The following STAU2 variants were observed in gnomAD, a reference collection of about 807,000 sequenced individuals.
STAU2 encodes staufen double-stranded RNA binding protein 2, also known as double-stranded RNA-binding protein Staufen homolog 2.
STAU2 carries 20 observed loss-of-function variants against 65.9 expected under a neutral mutation model. That is an observed-to-expected ratio of 0.30 (90% CI 0.21 to 0.44). The LOEUF (loss-of-function observed/expected upper bound fraction) is 0.44, where lower values mean the gene tolerates loss of function less well. Among genes scored for constraint, STAU2 ranks in the 20% least tolerant of loss-of-function variants. The pLI, the probability that STAU2 is intolerant of heterozygous loss-of-function variation, is 1.00. For synonymous variants in STAU2, 232 were observed against 233.9 expected, an observed-to-expected ratio of 0.99 and a Z score of 0.07; for missense variants, 558 against 683.9, an observed-to-expected ratio of 0.82 and a Z score of 2.05.
At chr8:73,423,224 T>C (rs555385430) in intron 13 of STAU2, among the ~76,000 whole-genome samples, 4 of 152,116 alleles carry the variant, frequency 2.6e-5, no homozygotes, top group African/African-American at 9.6e-5. Context: ...CCTGAGAGGA[T>C]GAGGAAAGAG....
chr8:73,618,317 C>T (rs1420998005), intron 6 of STAU2, among the ~76,000 whole-genome samples: 3 of 151,992 alleles, frequency 2.0e-5, no homozygotes, highest in Admixed American at 2.0e-4. Flanking sequence ...ATAGGGTGGC[C>T]AAGAGAAGTT....
At chr8:73,714,450 A>C (rs1821107925) in intron 3 of STAU2, among the ~76,000 whole-genome samples, 1 of 152,154 alleles carries the variant, frequency 6.6e-6, no homozygotes, top group African/African-American at 2.4e-5. Flanking sequence ...TCGACAAACT[A>C]CCCAGGCATC....
intron 6 of STAU2, among the ~76,000 whole-genome samples, chr8:73,666,548 A>C (rs949886078): frequency 3.9e-5 from 6 of 152,186 alleles, no homozygotes; most frequent in Admixed American, 3.3e-4. Flanking sequence ...AAATAGTCCA[A>C]ATTGTTTTCT....
At chr8:73,446,822 T>C (rs1235322703) in intron 13 of STAU2, among the ~76,000 whole-genome samples, 1 of 152,120 alleles carries the variant, frequency 6.6e-6, no homozygotes, top group African/African-American at 2.4e-5. Flanking sequence ...TAAGACTATT[T>C]AAATGTTAAA....
chr8:73,742,669 T>C (rs140200534), intron 1 of STAU2, among the ~76,000 whole-genome samples: 19 of 152,012 alleles, frequency 1.2e-4, no homozygotes, highest in African/African-American at 3.9e-4. Flanking sequence ...GTCAGGCATA[T>C]GAAGACAGGC....
chr8:73,654,806 C>A (rs1586203012), intron 6 of STAU2, among the ~76,000 whole-genome samples: 1 of 149,716 alleles, frequency 6.7e-6, no homozygotes, highest in Middle Eastern at 3.4e-3. Flanking sequence ...CCTGCCTCAG[C>A]CTCCTGTGTA....
chr8:73,507,886 T>G (rs1283325561), intron 13 of STAU2, among the ~76,000 whole-genome samples: 2 of 152,222 alleles, frequency 1.3e-5, no homozygotes, highest in East Asian at 3.8e-4. Flanking sequence ...GTTTCTTTTC[T>G]TAAACCTTAT....
chr8:73,698,673 T>A (rs1421197713), intron 4 of STAU2, among the ~76,000 whole-genome samples: 2 of 152,090 alleles, frequency 1.3e-5, no homozygotes, highest in Non-Finnish European at 2.9e-5. Context: ...TTATTAGACC[T>A]AAAGAGAAAG....
At chr8:73,550,805 TAAC>T (rs1807279378) in intron 13 of STAU2, 1 of 987,274 alleles carries the variant, frequency 1.0e-6, no homozygotes, top group Non-Finnish European at 1.2e-6. Context: ...TTAGAAACAC[TAAC>T]AACTACCTGG....
intron 12 of STAU2, among the ~76,000 whole-genome samples, chr8:73,577,095 C>T (rs190938103): frequency 1.2e-4 from 19 of 152,272 alleles, no homozygotes; most frequent in Admixed American, 1.0e-3. Context: ...TTCCTCAAGA[C>T]TTCAGTATAC....
chr8:73,667,252 A>ATTGCTTTGGCAAAAT (rs1217257726), intron 6 of STAU2, among the ~76,000 whole-genome samples: 1 of 152,150 alleles, frequency 6.6e-6, no homozygotes, highest in Non-Finnish European at 1.5e-5. Context: ...TTTTAGGAAT[A>ATTGCTTTGGCAAAAT]TTGCCAAAGC....
chr8:73,681,865 G>T (rs1818457263), intron 5 of STAU2, among the ~76,000 whole-genome samples: 1 of 152,040 alleles, frequency 6.6e-6, no homozygotes, highest in African/African-American at 2.4e-5. Context: ...AGCAACAACA[G>T]TTAAAAATGA....
chr8:73,524,451 A>G, intron 13 of STAU2, among the ~76,000 whole-genome samples: 1 of 152,216 alleles, frequency 6.6e-6, no homozygotes, highest in East Asian at 1.9e-4. Flanking sequence ...ATCCGTATCA[A>G]CTTCTGATAG....
In STAU2 at chr8:73,590,169, A is replaced by G. The variant is rs545469860; in HGVS notation, c.1161+4997T>C. Among the ~76,000 whole-genome samples, 509 of 151,896 alleles carry G rather than the reference A, an allele frequency of 3.4e-3. 2 individuals carry two copies. Among genetic ancestry groups the G allele is most frequent in the Non-Finnish European group, 5.8e-3 (396 of 67,910 alleles). On this transcript the variant is annotated intron_variant, in intron 11 of 14. Transcript: ENST00000524300. ...GAAGGAAGAGGATAAGAAGGAGAAGAAGAAAAGGTGGAGGAAAAGGAGAAG... is the reference window on the plus strand; with the variant it reads ...GAAGGAAGAGGATAAGAAGGAGAAGGAGAAAAGGTGGAGGAAAAGGAGAAG...
At chr8:73,444,113 A>G (rs1215755174) in intron 13 of STAU2, among the ~76,000 whole-genome samples, 1 of 152,142 alleles carries the variant, frequency 6.6e-6, no homozygotes, top group Admixed American at 6.5e-5. Flanking sequence ...GATATTATGA[A>G]TGAAGAGTGA....
chr8:73,481,500 C>CAAAAAAAAAAAAAAAA (rs766805913), intron 13 of STAU2, among the ~76,000 whole-genome samples: 1 of 60,050 alleles, frequency 1.7e-5, no homozygotes. Context: ...CAAAATAAGC[C>CAAAAAAAAAAAAAAAA]AAAAAAACAA....
At chr8:73,544,095 G>T (rs779980327) in intron 13 of STAU2, among the ~76,000 whole-genome samples, 1 of 151,918 alleles carries the variant, frequency 6.6e-6, no homozygotes, top group Non-Finnish European at 1.5e-5. Flanking sequence ...TCCTAAAATG[G>T]TCTCTACTTA....
chr8:73,546,712 C>G (rs1010697467), intron 13 of STAU2, among the ~76,000 whole-genome samples: 1 of 152,058 alleles, frequency 6.6e-6, no homozygotes, highest in South Asian at 2.1e-4. Flanking sequence ...GAAATTTCAG[C>G]CACTGTCATT....
At chr8:73,449,184 G>C (rs1818657829) in intron 13 of STAU2, among the ~76,000 whole-genome samples, 2 of 152,338 alleles carry the variant, frequency 1.3e-5, no homozygotes, top group South Asian at 4.1e-4. Flanking sequence ...GCAAGCATCT[G>C]CTGGGGCCGT....
Sources: allele counts gnomAD v4.1 joint callset (sites outside exome capture counted in the v4.1 genomes callset), GRCh38; gene constraint gnomAD v4.1.1; transcripts MANE v1.5; gene names NCBI Gene and HGNC (gene_info 2026-07-23, HGNC 2026-07-21).